Variants in NR5A2 observed in about 807,000 individuals in gnomAD.
NR5A2 encodes nuclear receptor subfamily 5 group A member 2, also known as CYP7A promoter-binding factor.
In NR5A2, 26 loss-of-function variants were observed where a neutral mutation model predicts 62.7. That is an observed-to-expected ratio of 0.41 (90% confidence interval 0.30 to 0.58). The LOEUF (loss-of-function observed/expected upper bound fraction) is 0.58, where lower values mean the gene tolerates loss of function less well. Ranked by LOEUF, NR5A2 falls within the 20% of genes least tolerant of loss-of-function variation. The pLI is 0.22. For missense variants in NR5A2, 541 were observed against 669.1 expected, an observed-to-expected ratio of 0.81 and a Z score of 2.11; for synonymous variants, 246 against 241.7, an observed-to-expected ratio of 1.02 and a Z score of -0.16.
At chr1:200,052,787 G>T (rs909862732) in intron 5 of NR5A2, among the ~76,000 whole-genome samples, 2 of 151,386 alleles carry the variant, frequency 1.3e-5, no homozygotes, top group African/African-American at 2.5e-5. Flanking sequence ...GACTACAGGT[G>T]CCTGCCACCA....
intron 7 of NR5A2, among the ~76,000 whole-genome samples, chr1:200,135,863 G>GT (rs1003099763): frequency 1.3e-5 from 2 of 152,170 alleles, no homozygotes; most frequent in Admixed American, 6.5e-5. Context: ...TGCTTATCGG[G>GT]AAATGCCTCT....
At chr1:200,069,793 G>A (rs930449552) in intron 5 of NR5A2, among the ~76,000 whole-genome samples, 4 of 152,084 alleles carry the variant, frequency 2.6e-5, no homozygotes, top group Non-Finnish European at 5.9e-5. Flanking sequence ...TGCCCTTCAT[G>A]CCAAAGTAAA....
At chr1:200,113,502 G>A (rs1666059728) in intron 6 of NR5A2, among the ~76,000 whole-genome samples, 1 of 152,168 alleles carries the variant, frequency 6.6e-6, no homozygotes, top group African/African-American at 2.4e-5. Flanking sequence ...TGCTGCAAAG[G>A]AAGACTTCAA....
chr1:200,159,822 T>G (rs1653559194), intron 7 of NR5A2, among the ~76,000 whole-genome samples: 1 of 151,808 alleles, frequency 6.6e-6, no homozygotes, highest in Non-Finnish European at 1.5e-5. Context: ...CCGGCTAATT[T>G]TTGTATTTTT....
intron 7 of NR5A2, among the ~76,000 whole-genome samples, chr1:200,135,240 G>A (rs1047436122): frequency 6.6e-6 from 1 of 152,180 alleles, no homozygotes; most frequent in African/African-American, 2.4e-5. Flanking sequence ...AAAGCATGAG[G>A]CCAGGTGCAG....
chr1:200,071,547 T>G (rs140896138), intron 5 of NR5A2, among the ~76,000 whole-genome samples: 2 of 152,382 alleles, frequency 1.3e-5, no homozygotes, highest in African/African-American at 4.8e-5. Context: ...TGAGAATAAC[T>G]GAATAAATGT....
At chr1:200,037,819 G>A (rs1213394525) in intron 1 of NR5A2, among the ~76,000 whole-genome samples, 1 of 152,200 alleles carries the variant, frequency 6.6e-6, no homozygotes, top group Admixed American at 6.5e-5. Context: ...AATCAATTAA[G>A]AGTCAGTAGT....
chr1:200,067,827 T>G (rs565187013), intron 5 of NR5A2, among the ~76,000 whole-genome samples: 1 of 152,226 alleles, frequency 6.6e-6, no homozygotes, highest in Admixed American at 6.5e-5. Context: ...CAGACACCAG[T>G]GTGCAAATTC....
chr1:200,032,938 A>G (rs1006851144), intron 1 of NR5A2, among the ~76,000 whole-genome samples: 3 of 152,254 alleles, frequency 2.0e-5, no homozygotes, highest in Non-Finnish European at 4.4e-5. Flanking sequence ...CTTTCCTCCA[A>G]TGGACATTTC....
intron 5 of NR5A2, among the ~76,000 whole-genome samples, chr1:200,089,961 A>T (rs1487843408): frequency 6.6e-6 from 1 of 152,220 alleles, no homozygotes. Flanking sequence ...CATTGATTTG[A>T]CTAGTCTAAA....
At chr1:200,125,919 A>C (rs1367288750) in intron 7 of NR5A2, among the ~76,000 whole-genome samples, 2 of 151,870 alleles carry the variant, frequency 1.3e-5, no homozygotes, top group Non-Finnish European at 1.5e-5. Flanking sequence ...CATGATCATA[A>C]CTTTCTGCAG....
rs770310095 is a variant in NR5A2 at position 200,045,564 on chromosome 1, G to A, written c.443G>A (p.Ser148Asn). The A allele has an allele frequency of 6.2e-7, 1 of 1,611,550 alleles. No individual in the cohort carries two copies. Among genetic ancestry groups the A allele is most frequent in the South Asian group, 1.1e-5 (1 of 90,548 alleles). ...TACTGTCGTTTTCAAAAATGTCTAA[G>A]TGTTGGAATGAAGCTAGAAGGTAAG... ...CPYCRFQKCL[S>N]VGMKLEAVRA... Residue 148 changes from serine (S) to asparagine (N), a missense_variant, in exon 4 of 8, where the codon AGT becomes AAT. This residue lies in a region of NR5A2 where 54 missense variants were observed against 123.8 expected (regional missense o/e 0.44). Transcript: ENST00000367362.
At chr1:200,112,408 C>T (rs1665994544) in intron 6 of NR5A2, among the ~76,000 whole-genome samples, 1 of 152,186 alleles carries the variant, frequency 6.6e-6, no homozygotes, top group African/African-American at 2.4e-5. Flanking sequence ...CATACCTATT[C>T]AGGGTCCCAC....
At chr1:200,047,017 C>G (rs890004003) in intron 4 of NR5A2, among the ~76,000 whole-genome samples, 1 of 152,064 alleles carries the variant, frequency 6.6e-6, no homozygotes, top group Non-Finnish European at 1.5e-5. Context: ...ATTCTGTATA[C>G]TTAGAATTTA....
chr1:200,030,354 T>C (rs1661506626), intron 1 of NR5A2, among the ~76,000 whole-genome samples: 1 of 152,224 alleles, frequency 6.6e-6, no homozygotes, highest in African/African-American at 2.4e-5. Flanking sequence ...GATGGTTACA[T>C]GAAAGTTTTG....
intron 7 of NR5A2, among the ~76,000 whole-genome samples, chr1:200,163,455 C>T (rs1653740931): frequency 6.6e-6 from 1 of 151,332 alleles, no homozygotes; most frequent in African/African-American, 2.4e-5. Flanking sequence ...TTCTAGCATT[C>T]TAGTGGGGGT....
intron 7 of NR5A2, among the ~76,000 whole-genome samples, chr1:200,140,392 A>C (rs1667393988): frequency 6.6e-6 from 1 of 152,056 alleles, no homozygotes; most frequent in Non-Finnish European, 1.5e-5. Context: ...TTTTCTTTTA[A>C]TGTTTTGATC....
intron 7 of NR5A2, among the ~76,000 whole-genome samples, chr1:200,166,174 G>A (rs1028541495): frequency 1.3e-5 from 2 of 152,148 alleles, no homozygotes; most frequent in African/African-American, 4.8e-5. Context: ...ACAAAATCAA[G>A]TGGTTTTCAA....
intron 5 of NR5A2, among the ~76,000 whole-genome samples, chr1:200,069,732 A>G (rs1157314586): frequency 6.6e-6 from 1 of 152,202 alleles, no homozygotes; most frequent in Non-Finnish European, 1.5e-5. Context: ...AATCACATTA[A>G]AAACTACTAA....
Sources: gnomAD v4.1 joint callset for allele counts (sites outside exome capture counted in the v4.1 genomes callset) on GRCh38, gnomAD v4.1.1 for gene constraint, gnomAD v4.1.1 regional missense constraint, MANE v1.5 for transcripts, NCBI Gene and HGNC (gene_info 2026-07-23, HGNC 2026-07-21) for gene names.